PIK3C3: variants seen among roughly 807,000 people sequenced by gnomAD.
PIK3C3 encodes phosphatidylinositol 3-kinase catalytic subunit type 3.
A neutral mutation model predicts 126.1 loss-of-function variants in PIK3C3; 95 were observed. The observed-to-expected ratio is 0.75, with a 90% CI of 0.64 to 0.89. The LOEUF (loss-of-function observed/expected upper bound fraction) is 0.89, where lower values mean the gene tolerates loss of function less well. Ranked by LOEUF, PIK3C3 falls within the 40% of genes least tolerant of loss-of-function variation. PIK3C3 has a pLI of 0.00. For missense variants in PIK3C3, 829 were observed against 1,063.2 expected, an observed-to-expected ratio of 0.78 and a Z score of 3.06; for synonymous variants, 374 against 360.0, an observed-to-expected ratio of 1.04 and a Z score of -0.44.
rs530286548 is a variant in PIK3C3 at position 42,081,764 on chromosome 18, A to C, written c.*627A>C. 12 of 152,342 alleles carry C rather than the reference A, an allele frequency of 7.9e-5. No individual in the cohort carries two copies. The South Asian group carries it at 2.5e-3, about 32-fold the overall frequency. The allele number at this position is 152,342 out of a possible 1,614,324, so 9.4% of individuals were successfully genotyped here. A position where few individuals can be genotyped will look rare whatever the true frequency, so the allele number is the denominator to read the frequency against. On this transcript the variant is annotated 3_prime_UTR_variant, in exon 25 of 25. Transcript: ENST00000262039. The stretch of plus-strand genomic sequence containing the variant: ...AAATAATTAATTTTTTGTAAACTAC[A>C]GTTAATAGTTCTTCTAGCTTGTAAG...
chr18:42,079,296 G>A (rs1986150303), intron 24 of PIK3C3, among the ~76,000 whole-genome samples: 1 of 152,138 alleles, frequency 6.6e-6, no homozygotes, highest in South Asian at 2.1e-4. Flanking sequence ...GAGAGATAGG[G>A]GAATGGCCAG....
intron 10 of PIK3C3, among the ~76,000 whole-genome samples, chr18:42,007,306 A>G (rs1192521675): frequency 1.3e-5 from 2 of 152,070 alleles, no homozygotes; most frequent in Non-Finnish European, 2.9e-5. Context: ...TTCCTTTATA[A>G]TACTTTAAAT....
chr18:42,039,745 C>G (rs930050663), intron 18 of PIK3C3, among the ~76,000 whole-genome samples: 1 of 152,212 alleles, frequency 6.6e-6, no homozygotes, highest in Non-Finnish European at 1.5e-5. Flanking sequence ...ACACTACTTC[C>G]TTTCATAGTA....
At chr18:42,030,684 C>T (rs899128323) in intron 15 of PIK3C3, among the ~76,000 whole-genome samples, 3 of 152,170 alleles carry the variant, frequency 2.0e-5, no homozygotes, top group African/African-American at 7.2e-5. Context: ...AATCACAAAC[C>T]TTGGTCAAAT....
intron 24 of PIK3C3, among the ~76,000 whole-genome samples, chr18:42,072,002 AT>A (rs1215249488): frequency 6.6e-6 from 1 of 152,214 alleles, no homozygotes; most frequent in Non-Finnish European, 1.5e-5. Context: ...TCAAATAACA[AT>A]TATAAAAGCA....
In PIK3C3 at chr18:42,028,467, T is replaced by TC. The variant is rs1983673722; in HGVS notation, c.1591-857dup. Among the ~76,000 whole-genome samples the TC allele has an allele frequency of 4.6e-5, 7 of 152,360 alleles. No individual in the cohort carries two copies. In the South Asian group the frequency reaches 1.4e-3, roughly 32 times the overall value. On this transcript the variant is annotated intron_variant, in intron 14 of 24. Coordinates refer to ENST00000262039, the MANE Select transcript of PIK3C3 (RefSeq NM_002647.4). ...CGAAAAGAAAGCTACCACACATTAA[T>TC]CTGTGGCTTGCCGCAGAAATAGTCT...
At chr18:41,975,936 G>A (rs570422028) in intron 4 of PIK3C3, among the ~76,000 whole-genome samples, 10 of 152,144 alleles carry the variant, frequency 6.6e-5, no homozygotes, top group East Asian at 3.9e-4. Context: ...TCCTGACCTC[G>A]TGATCTGCCT....
chr18:41,980,448 A>G (rs777445948), intron 4 of PIK3C3, among the ~76,000 whole-genome samples: 60 of 152,206 alleles, frequency 3.9e-4, no homozygotes, highest in African/African-American at 1.7e-4. Context: ...GGGTGAATCT[A>G]TCATCCCTAA....
At chr18:42,080,636 A>G (rs1986214933) in intron 24 of PIK3C3, among the ~76,000 whole-genome samples, 1 of 152,134 alleles carries the variant, frequency 6.6e-6, no homozygotes, top group Non-Finnish European at 1.5e-5. Context: ...TGGCCCCAAA[A>G]CAGCTCTTCA....
chr18:42,028,443 G>A (rs528257391), intron 14 of PIK3C3, among the ~76,000 whole-genome samples: 3 of 152,284 alleles, frequency 2.0e-5, no homozygotes, highest in East Asian at 1.9e-4. Context: ...CAAGGGCAGC[G>A]AAAAGAAAGC....
At chr18:42,053,458 G>A (rs1273988801) in intron 21 of PIK3C3, among the ~76,000 whole-genome samples, 1 of 152,074 alleles carries the variant, frequency 6.6e-6, no homozygotes, top group East Asian at 1.9e-4. Context: ...TTATAACGCT[G>A]TTTTCTTGAA....
intron 24 of PIK3C3, among the ~76,000 whole-genome samples, chr18:42,077,275 G>A (rs1324384773): frequency 6.6e-6 from 1 of 152,194 alleles, no homozygotes; most frequent in Non-Finnish European, 1.5e-5. Flanking sequence ...GTTGCTAAAG[G>A]TTGAGTAGTT....
At chr18:42,041,860 G>A (rs1984338134) in intron 19 of PIK3C3, among the ~76,000 whole-genome samples, 1 of 152,210 alleles carries the variant, frequency 6.6e-6, no homozygotes, top group Non-Finnish European at 1.5e-5. Context: ...AACTGCCTGG[G>A]ATTGAATTCC....
In PIK3C3 at chr18:42,043,778, A is replaced by G; in HGVS notation, c.2149A>G (p.Ile717Val). The change falls in exon 20 of 25, where the codon ATT becomes GTT. Residue 717 changes from isoleucine to valine, a missense_variant. Physicochemically the swap from Ile to Val is conservative, Grantham distance 29. This residue lies in a region of PIK3C3 where 196 missense variants were observed against 312.8 expected (regional missense o/e 0.63). Transcript: ENST00000262039. ...YAPSENGPNG[I>V]SAEVMDTYVK... is the part of the protein sequence containing the mutation. Reference sequence around the variant, plus strand: ...ACCAAGTGAGAATGGGCCAAATGGGATTAGTGCTGAGGTCATGGACACTTA... The same window carrying G: ...ACCAAGTGAGAATGGGCCAAATGGGGTTAGTGCTGAGGTCATGGACACTTA... The G allele has an allele frequency of 6.2e-7, 1 of 1,613,480 alleles. No individual in the cohort carries two copies. The highest frequency in any genetic ancestry group is 8.5e-7 in the Non-Finnish European group (1 of 1,179,530).
At chr18:42,016,852 A>G (rs942307123) in intron 12 of PIK3C3, among the ~76,000 whole-genome samples, 1 of 152,038 alleles carries the variant, frequency 6.6e-6, no homozygotes, top group Non-Finnish European at 1.5e-5. Flanking sequence ...CCATATTGGT[A>G]GCTTGAACAA....
In PIK3C3 at chr18:41,957,741, AT is replaced by A. The variant is rs1979860410; in HGVS notation, c.243del (p.Phe81LeufsTer11). The A allele has an allele frequency of 6.2e-7, 1 of 1,611,526 alleles. No homozygotes were observed. Among genetic ancestry groups the A allele is most frequent in the African/African-American group, 1.3e-5 (1 of 74,658 alleles). On this transcript the variant is annotated frameshift_variant, in exon 2 of 25. Transcript: ENST00000262039. LOFTEE classifies it high-confidence loss of function. The stretch of plus-strand genomic sequence containing the variant: ...TGCCAGTGAGAACATCCTACAAAGC[AT>A]TTAGTACAAGATGGAAGTAAGTTTT... ...ALPVRTSYKAFSTRWNWNEWL... is the reference protein window; with the variant it reads ...ALPVRTSYKAXSTRWNWNEWL...
At chr18:42,041,107 G>A (rs552948782) in intron 19 of PIK3C3, among the ~76,000 whole-genome samples, 107 of 152,088 alleles carry the variant, frequency 7.0e-4, no homozygotes, top group Middle Eastern at 3.4e-3. Context: ...GCTTGAACCC[G>A]CGAGGTGGAG....
Position 42,086,980 on chromosome 18 carries a change from C to T in PIK3C3, c.*5843C>T, listed in dbSNP as rs145928202. The T allele has an allele frequency of 5.3e-5, 8 of 152,338 alleles. No individual in the cohort carries two copies. The highest frequency in any genetic ancestry group is 1.7e-4 in the African/African-American group (7 of 41,576). 9.4% of individuals were successfully genotyped at this position (152,338 alleles called of 1,614,324 possible). The stretch of plus-strand genomic sequence containing the variant: ...CCCTTTCCAGTAACTTCAGCAGGAT[C>T]TGTGAGTGCCAGTTTCCTTCTGTGG... On this transcript the variant is annotated 3_prime_UTR_variant, in exon 25 of 25. Coordinates refer to ENST00000262039, the MANE Select transcript of PIK3C3 (RefSeq NM_002647.4).
At chr18:41,986,037 C>T (rs1034467421) in intron 4 of PIK3C3, among the ~76,000 whole-genome samples, 3 of 152,082 alleles carry the variant, frequency 2.0e-5, no homozygotes, top group South Asian at 2.1e-4. Context: ...ATTCGAGAAA[C>T]GACAGAATTG....
Sources: gnomAD v4.1 joint callset for allele counts (sites outside exome capture counted in the v4.1 genomes callset) on GRCh38, gnomAD v4.1.1 for gene constraint, gnomAD v4.1.1 regional missense constraint, MANE v1.5 for transcripts, NCBI Gene and HGNC (gene_info 2026-07-23, HGNC 2026-07-21) for gene names.